KDM2B: variants seen among roughly 807,000 people sequenced by gnomAD.
KDM2B encodes lysine-specific demethylase 2B.
Under a neutral mutation model 150.0 loss-of-function variants are expected in KDM2B, and 26 were observed. That is an observed-to-expected ratio of 0.17 (90% CI 0.13 to 0.24). The LOEUF (loss-of-function observed/expected upper bound fraction) is 0.24. KDM2B is among the 10% of genes least tolerant of loss of function. The pLI, the probability that KDM2B is intolerant of heterozygous loss-of-function variation, is 1.00. For missense variants in KDM2B, 1,265 were observed against 1,816.9 expected, an observed-to-expected ratio of 0.70 and a Z score of 5.52; for synonymous variants, 734 against 729.5, an observed-to-expected ratio of 1.01 and a Z score of -0.10.
intron 8 of KDM2B, among the ~76,000 whole-genome samples, chr12:121,529,527 T>C (rs1887446544): frequency 1.3e-5 from 2 of 151,974 alleles, no homozygotes. Context: ...CCCAAGACTC[T>C]CTCCTCAAAG....
downstream of KDM2B, among the ~76,000 whole-genome samples, chr12:121,427,811 C>T (rs982877760): frequency 6.6e-6 from 1 of 152,118 alleles, no homozygotes; most frequent in Non-Finnish European, 1.5e-5. Flanking sequence ...AGCCCTACTT[C>T]CCTTAACTAG....
At position 121,518,748 on chromosome 12, in the gene KDM2B, C is replaced by T. The variant is rs1318402728; in HGVS notation, c.1047+2237G>A. Among the ~76,000 whole-genome samples, 3 of 152,184 alleles carry T rather than the reference C, an allele frequency of 2.0e-5. No individual in the cohort carries two copies. The South Asian group carries it at 6.2e-4, about 31-fold the overall frequency. ...GCCTTTAGAAATCCCAGCCTGACTCCGGCTTTCAGGAATTGCCTGGAAAGT... is the reference window on the plus strand; with the variant it reads ...GCCTTTAGAAATCCCAGCCTGACTCTGGCTTTCAGGAATTGCCTGGAAAGT... On this transcript the variant is annotated intron_variant, in intron 9 of 22. Transcript: ENST00000377071. The surrounding 1 kb of genome is among the most constrained non-coding windows in gnomAD (Gnocchi z 4.4).
downstream of KDM2B, among the ~76,000 whole-genome samples, chr12:121,426,421 A>C (rs1593686337): frequency 1.3e-5 from 2 of 151,122 alleles, no homozygotes; most frequent in East Asian, 3.9e-4. Flanking sequence ...TGAATTTTTA[A>C]ACTGGCATGC....
chr12:121,487,767 A>G (rs1390892153), intron 12 of KDM2B, among the ~76,000 whole-genome samples: 1 of 150,090 alleles, frequency 6.7e-6, no homozygotes, highest in African/African-American at 2.5e-5. Flanking sequence ...GTCTAGGAGG[A>G]GGAAGAGATA....
intron 11 of KDM2B, among the ~76,000 whole-genome samples, chr12:121,499,932 G>A (rs1884358596): frequency 6.7e-6 from 1 of 150,088 alleles, no homozygotes; most frequent in Admixed American, 6.6e-5. Flanking sequence ...CTGGGTGACA[G>A]AATGGGACTC....
At position 121,457,270 on chromosome 12, in the gene KDM2B, C is replaced by CT. The variant is rs1184274416; in HGVS notation, c.1735-3927dup. ...CAATTCTTTTCTTTTCTTTTCTTTT[C>CT]TTTTTTTTTGAGATAGAGTCTCACT... On this transcript the variant is annotated intron_variant, in intron 12 of 22. Transcript: ENST00000377071. Among the ~76,000 whole-genome samples the CT allele has an allele frequency of 8.7e-4, 131 of 150,702 alleles. 1 individual carries two copies. The highest frequency in any genetic ancestry group is 2.9e-3 in the African/African-American group (119 of 41,136).
chr12:121,572,426 G>A (rs370248198), intron 4 of KDM2B, among the ~76,000 whole-genome samples: 14 of 152,086 alleles, frequency 9.2e-5, no homozygotes, highest in African/African-American at 2.4e-4. Flanking sequence ...ACTCAGTTCC[G>A]CACTCCAAGT....
At chr12:121,496,292 C>G (rs1341939775) in intron 11 of KDM2B, among the ~76,000 whole-genome samples, 1 of 152,108 alleles carries the variant, frequency 6.6e-6, no homozygotes, top group African/African-American at 2.4e-5. Context: ...CCATTCTGAT[C>G]CTGGACCACG....
At chr12:121,455,814 ACTACACACATC>A (rs1878144387) in intron 12 of KDM2B, among the ~76,000 whole-genome samples, 2 of 152,294 alleles carry the variant, frequency 1.3e-5, no homozygotes, top group South Asian at 4.1e-4. Context: ...TCCACCACAC[ACTACACACATC>A]CATCCGAGTC....
At chr12:121,567,632 C>A (rs1026127436) in intron 4 of KDM2B, among the ~76,000 whole-genome samples, 4 of 151,906 alleles carry the variant, frequency 2.6e-5, no homozygotes, top group Non-Finnish European at 5.9e-5. Context: ...AGAAGAGAGA[C>A]CTTCAAATAA....
chr12:121,510,595 C>T (rs553516851), intron 10 of KDM2B, among the ~76,000 whole-genome samples: 2 of 152,106 alleles, frequency 1.3e-5, no homozygotes, highest in East Asian at 3.9e-4. Context: ...GAGTTTGAGA[C>T]CAGACTGAGA....
At chr12:121,494,293 GGA>G (rs1242344158) in intron 12 of KDM2B, 2 of 382,426 alleles carry the variant, frequency 5.2e-6, no homozygotes, top group Non-Finnish European at 4.8e-6. Flanking sequence ...AGTGAGGGAA[GGA>G]GAGACAGAAA....
chr12:121,467,300 TGGCTCGGGCTCG>T lies in KDM2B; in HGVS notation c.1735-13968_1735-13957del, dbSNP rs782648177. 91 of 983,484 alleles carry T rather than the reference TGGCTCGGGCTCG, an allele frequency of 9.3e-5. No homozygotes were observed. Among genetic ancestry groups the T allele is most frequent in the African/African-American group, 2.5e-4 (14 of 56,474 alleles). 60.9% of individuals were successfully genotyped at this position (983,484 alleles called of 1,614,324 possible). ...CGCCCGGAGCAGGCTCGGCTCGCCCTGGCTCGGGCTCGGGCTCGGGCTCGGGCTCCCGCTGCC... is the reference window on the plus strand; with the variant it reads ...CGCCCGGAGCAGGCTCGGCTCGCCCTGGCTCGGGCTCGGGCTCCCGCTGCC... On this transcript the variant is annotated intron_variant, in intron 12 of 22. Transcript: ENST00000377071. This position sits in a 1 kb window ranked among gnomAD's most constrained non-coding sequence, Gnocchi z 5.1.
intron 12 of KDM2B, among the ~76,000 whole-genome samples, chr12:121,492,496 C>T (rs1367413272): frequency 4.0e-5 from 6 of 151,048 alleles, no homozygotes; most frequent in East Asian, 2.0e-4. Flanking sequence ...TTAGTAGAGA[C>T]GGAGTTTCGC....
chr12:121,417,376 G>A, the KDM2B span: 2 of 728,752 alleles, frequency 2.7e-6, no homozygotes, highest in Non-Finnish European at 4.4e-6. This position sits in a 1 kb window ranked among gnomAD's most constrained non-coding sequence, Gnocchi z 5.0. Context: ...AATACCTCTG[G>A]AAATAGTCTG....
intron 8 of KDM2B, 115 bp downstream of exon 8, chr12:121,532,691 G>C: frequency 9.3e-7 from 1 of 1,080,996 alleles, no homozygotes; most frequent in Non-Finnish European, 1.4e-6. Flanking sequence ...TCCCCTCGGG[G>C]ACTGCCAATG....
At chr12:121,474,486 A>G (rs1245335741) in intron 12 of KDM2B, among the ~76,000 whole-genome samples, 1 of 152,192 alleles carries the variant, frequency 6.6e-6, no homozygotes, top group African/African-American at 2.4e-5. Flanking sequence ...ACTGCACTAC[A>G]GCCTGGGCAA....
chr12:121,511,281 ATT>A (rs35590443), intron 10 of KDM2B, among the ~76,000 whole-genome samples: 2,769 of 110,270 alleles, frequency 0.025, 29 homozygotes, highest in Non-Finnish European at 0.033. Context: ...AATGCTAGGA[ATT>A]TTTTTTTTTT....
chr12:121,455,716 A>G (rs1555292589), intron 12 of KDM2B, among the ~76,000 whole-genome samples: 1 of 152,192 alleles, frequency 6.6e-6, no homozygotes. Flanking sequence ...AAAACAAAAA[A>G]GGAAGAAATC....
Sources: allele counts gnomAD v4.1 joint callset (sites outside exome capture counted in the v4.1 genomes callset), GRCh38; gene constraint gnomAD v4.1.1; non-coding constraint Gnocchi (gnomAD v3.1); transcripts MANE v1.5; gene names NCBI Gene and HGNC (gene_info 2026-07-23, HGNC 2026-07-21).